Variants in DCP1A observed in about 807,000 individuals in gnomAD.
DCP1A encodes the protein mRNA-decapping enzyme 1A.
A neutral mutation model predicts 58.0 loss-of-function variants in DCP1A; 20 were observed. That is an observed-to-expected ratio of 0.34 (90% confidence interval 0.24 to 0.50). The LOEUF (loss-of-function observed/expected upper bound fraction) is 0.50, where lower values mean the gene tolerates loss of function less well. Among genes scored for constraint, DCP1A ranks in the 20% least tolerant of loss-of-function variants. DCP1A has a pLI of 0.98. For synonymous variants in DCP1A, 285 were observed against 275.1 expected (o/e 1.04, Z -0.36); for missense variants, 613 against 712.2 (o/e 0.86, Z 1.59).
Position 53,293,743 on chromosome 3 carries a change from TATA to T in DCP1A, c.625-919_625-917del, listed in dbSNP as rs1331183494. Among the ~76,000 whole-genome samples, 4 of 152,342 alleles carry T rather than the reference TATA, an allele frequency of 2.6e-5. No individual in the cohort carries two copies. The East Asian group carries it at 7.7e-4, about 29-fold the overall frequency. ...GGCCCCAAAGTACACTGCAAATTAG[TATA>T]ATATCAATATTATAAGACTATGGTA... On this transcript the variant is annotated intron_variant, in intron 6 of 9. Transcript: ENST00000610213.
chr3:53,346,963 G>A (rs374103046), intron 1 of DCP1A, among the ~76,000 whole-genome samples: 1 of 152,088 alleles, frequency 6.6e-6, no homozygotes, highest in Non-Finnish European at 1.5e-5. Context: ...GCCAGGGGGA[G>A]AGGAGGAGTG....
At position 53,286,440 on chromosome 3, in the gene DCP1A, A is replaced by G. The variant is rs1706637540; in HGVS notation, c.*1140T>C. Reference sequence around the variant, plus strand: ...TTAAAATATTACTAAACACCATTACATGCCATAAAAGAATAAATAGAAATC... The same window carrying G: ...TTAAAATATTACTAAACACCATTACGTGCCATAAAAGAATAAATAGAAATC... On this transcript the variant is annotated 3_prime_UTR_variant, in exon 10 of 10. Coordinates refer to ENST00000610213, the MANE Select transcript of DCP1A (RefSeq NM_018403.7). 1 of 152,242 alleles carries G rather than the reference A, an allele frequency of 6.6e-6. No homozygotes were observed. Among genetic ancestry groups the G allele is most frequent in the Non-Finnish European group, 1.5e-5 (1 of 68,044 alleles). The allele number at this position is 152,242 out of a possible 1,614,324, so 9.4% of individuals were successfully genotyped here.
chr3:53,322,409 C>G (rs1553690096), intron 3 of DCP1A, among the ~76,000 whole-genome samples: 5 of 151,476 alleles, frequency 3.3e-5, no homozygotes, highest in African/African-American at 1.2e-4. Flanking sequence ...CGAGATCACG[C>G]CACTGCACTC....
At chr3:53,301,017 C>T (rs1176691730) in intron 6 of DCP1A, among the ~76,000 whole-genome samples, 5 of 151,976 alleles carry the variant, frequency 3.3e-5, no homozygotes, top group Non-Finnish European at 4.4e-5. Flanking sequence ...CTGCATTAGG[C>T]GGTACAATAA....
chr3:53,324,618 A>T (rs1708060904), intron 3 of DCP1A, among the ~76,000 whole-genome samples: 1 of 152,158 alleles, frequency 6.6e-6, no homozygotes, highest in Non-Finnish European at 1.5e-5. Context: ...CTGTTTTACA[A>T]ATGGCCTTTC....
chr3:53,320,885 A>G (rs1234393538), intron 3 of DCP1A, among the ~76,000 whole-genome samples: 1 of 152,276 alleles, frequency 6.6e-6, no homozygotes, highest in Non-Finnish European at 1.5e-5. Context: ...AAGTCATAGA[A>G]GACTGCTGTC....
intron 3 of DCP1A, among the ~76,000 whole-genome samples, chr3:53,338,504 T>C (rs971960074): frequency 3.9e-5 from 6 of 152,132 alleles, no homozygotes; most frequent in Non-Finnish European, 8.8e-5. Flanking sequence ...TGTAAGAATT[T>C]TCTCTTTAAG....
At position 53,292,079 on chromosome 3, in the gene DCP1A, G is replaced by A. The variant is rs782533530; in HGVS notation, c.1373C>T (p.Ala458Val). Reference sequence around the variant, plus strand: ...CCCTCCTGCCATTACCTGAAGGGGAGCAAGCACCATGTTGCTCAGGGAGGC... The same window carrying A: ...CCCTCCTGCCATTACCTGAAGGGGAACAAGCACCATGTTGCTCAGGGAGGC... ...ASASLSNMVL[A>V]PLQSMQQNQD... Residue 458 changes from alanine to valine, a missense_variant, in exon 7 of 10, where the codon GCT becomes GTT. Physicochemically the swap from Ala to Val is moderately conservative, Grantham distance 64 (BLOSUM62 0). Around this residue, in one of 3 missense-constraint regions of DCP1A, gnomAD observed 498 missense variants for 556.7 expected, o/e 0.89. Transcript: ENST00000610213. 6.2e-7 allele frequency: 1 copy of A among 1,610,450 alleles called. No individual in the cohort carries two copies.
At position 53,347,530 on chromosome 3, in the gene DCP1A, A is replaced by C; in HGVS notation, c.-13T>G. 1 of 1,601,824 alleles carries C rather than the reference A, an allele frequency of 6.2e-7. No homozygotes were observed. Among genetic ancestry groups the C allele is most frequent in the Non-Finnish European group, 8.5e-7 (1 of 1,174,918 alleles). On this transcript the variant is annotated 5_prime_UTR_variant, in exon 1 of 10. Transcript: ENST00000610213. ...TCAGCGCCTCCATCTTGAATCCCAG[A>C]GCCTAGCCCCTCTGGTGGGGGCGGA...
chr3:53,331,961 C>T (rs1318110625), intron 3 of DCP1A, among the ~76,000 whole-genome samples: 4 of 152,160 alleles, frequency 2.6e-5, no homozygotes, highest in Non-Finnish European at 5.9e-5. Context: ...TGTTTCTTGA[C>T]ATTAATTGCA....
intron 8 of DCP1A, 71 bp downstream of exon 8, chr3:53,290,720 A>T: frequency 8.4e-7 from 1 of 1,184,768 alleles, no homozygotes; most frequent in Non-Finnish European, 1.2e-6. Flanking sequence ...TACTCTTTCT[A>T]CTTTCTCACT....
intron 3 of DCP1A, among the ~76,000 whole-genome samples, chr3:53,332,593 G>A (rs551809258): frequency 5.3e-5 from 8 of 152,082 alleles, no homozygotes; most frequent in Non-Finnish European, 8.8e-5. Context: ...GGCCGGGCGC[G>A]GTGGCTCATG....
intron 3 of DCP1A, among the ~76,000 whole-genome samples, chr3:53,339,074 TATAATTACCTGTATGC>T (rs1472547032): frequency 9.2e-5 from 14 of 152,158 alleles, no homozygotes; most frequent in Non-Finnish European, 1.5e-4. Flanking sequence ...TAGAATCAGG[TATAATTACCTGTATGC>T]ATAATCAGAT....
chr3:53,313,810 AG>A (rs1707721171), intron 4 of DCP1A, among the ~76,000 whole-genome samples: 1 of 152,084 alleles, frequency 6.6e-6, no homozygotes, highest in Admixed American at 6.6e-5. Flanking sequence ...TGTGGGGAAG[AG>A]GTGAACAGAG....
rs535119844 is a variant in DCP1A, at chr3:53,284,403, T to C, written c.*3177A>G. On this transcript the variant is annotated 3_prime_UTR_variant, in exon 10 of 10. Transcript: ENST00000610213. ...TTACCTAGTAGTGGATTTGATAGGG[T>C]TTATATAATTTCTACAAGAAAACAT... The C allele has an allele frequency of 1.3e-5, 2 of 152,198 alleles. No individual in the cohort carries two copies. The highest frequency in any genetic ancestry group is 4.1e-4 in the South Asian group (2 of 4,822). 9.4% of individuals were successfully genotyped at this position (152,198 alleles called of 1,614,324 possible). A position where few individuals can be genotyped will look rare whatever the true frequency, so the allele number is the denominator to read the frequency against.
rs782590442 is a variant in DCP1A at position 53,304,300 on chromosome 3, G to C, written c.511-10C>G. On this transcript the variant is annotated splice_polypyrimidine_tract_variant and intron_variant, in intron 5 of 9. Coordinates refer to ENST00000610213, the MANE Select transcript of DCP1A (RefSeq NM_018403.7). ...AGTCACCCATCTGATTCTTTAAAAAGTTAAAAGAAAAAAATATATCTTGTG... is the reference window on the plus strand; with the variant it reads ...AGTCACCCATCTGATTCTTTAAAAACTTAAAAGAAAAAAATATATCTTGTG... 1 of 1,592,342 alleles carries C rather than the reference G, an allele frequency of 6.3e-7. No individual in the cohort carries two copies. The highest frequency in any genetic ancestry group is 1.7e-5 in the Admixed American group (1 of 57,714).
intron 5 of DCP1A, among the ~76,000 whole-genome samples, chr3:53,307,328 C>A (rs1358850953): frequency 1.3e-5 from 2 of 152,108 alleles, no homozygotes; most frequent in Non-Finnish European, 2.9e-5. Flanking sequence ...TATGCCACTG[C>A]CCCAAGCCCC....
chr3:53,335,176 T>C (rs2089091176), intron 3 of DCP1A, among the ~76,000 whole-genome samples: 1 of 152,040 alleles, frequency 6.6e-6, no homozygotes, highest in Non-Finnish European at 1.5e-5. Flanking sequence ...AGTCTCACTC[T>C]GTCACCTAGG....
chr3:53,308,287 G>A (rs1707536339), intron 5 of DCP1A, among the ~76,000 whole-genome samples: 1 of 151,998 alleles, frequency 6.6e-6, no homozygotes, highest in Non-Finnish European at 1.5e-5. Context: ...GTTTATTTAG[G>A]TATTTATTTA....
Sources: allele counts gnomAD v4.1 joint callset (sites outside exome capture counted in the v4.1 genomes callset), GRCh38; gene constraint gnomAD v4.1.1; regional missense constraint gnomAD v4.1.1; transcripts MANE v1.5; gene names NCBI Gene and HGNC (gene_info 2026-07-23, HGNC 2026-07-21).